SRGAP2B: variants seen among roughly 807,000 people sequenced by gnomAD.
SRGAP2B encodes SLIT-ROBO Rho GTPase activating protein 2B.
In SRGAP2B, 9 loss-of-function variants were observed where a neutral mutation model predicts 22.2. The ratio of observed to expected loss-of-function variants is 0.41; its 90% CI spans 0.24 to 0.71. SRGAP2B has a LOEUF of 0.71. Among genes scored for constraint, SRGAP2B ranks in the 30% least tolerant of loss-of-function variants. SRGAP2B has a pLI of 0.35. For synonymous variants in SRGAP2B, 36 were observed against 87.4 expected (o/e 0.41, Z 3.28); for missense variants, 114 against 235.8 (o/e 0.48, Z 3.38).
At chr1:144,974,087 C>G (rs1216651513) in intron 3 of SRGAP2B, among the ~76,000 whole-genome samples, 6 of 150,860 alleles carry the variant, frequency 4.0e-5, no homozygotes, top group Non-Finnish European at 7.4e-5. Flanking sequence ...GAAAAACAAC[C>G]AACAGCCATA....
intron 3 of SRGAP2B, among the ~76,000 whole-genome samples, chr1:144,994,602 G>C (rs1217052604): frequency 1.3e-5 from 2 of 148,368 alleles, no homozygotes; most frequent in Admixed American, 6.7e-5. Context: ...GAGAGAGAGA[G>C]AGAGAGAGAC....
At chr1:144,984,526 T>G (rs1258278949) in intron 3 of SRGAP2B, among the ~76,000 whole-genome samples, 2 of 150,530 alleles carry the variant, frequency 1.3e-5, no homozygotes, top group African/African-American at 5.0e-5. Flanking sequence ...CTGTAGATTC[T>G]TCCTGCACCA....
At chr1:144,944,199 A>T (rs1437725053) in intron 4 of SRGAP2B, among the ~76,000 whole-genome samples, 1 of 150,554 alleles carries the variant, frequency 6.6e-6, no homozygotes, top group African/African-American at 2.5e-5. Flanking sequence ...ATTATCTATG[A>T]TGTCCAATAT....
At chr1:144,911,642 G>A (rs1344937119) in intron 5 of SRGAP2B, among the ~76,000 whole-genome samples, 9 of 145,230 alleles carry the variant, frequency 6.2e-5, no homozygotes, top group South Asian at 2.1e-4. Context: ...TTTTGAGACC[G>A]AGTCTTGCTC....
chr1:145,081,266 T>C (rs1302541142), intron 2 of SRGAP2B, among the ~76,000 whole-genome samples: 6 of 149,062 alleles, frequency 4.0e-5, no homozygotes, highest in Admixed American at 2.0e-4. Context: ...CATGAGTTCA[T>C]ATATGTAAAG....
chr1:145,083,054 G>A (rs1653066128), intron 2 of SRGAP2B, among the ~76,000 whole-genome samples: 1 of 139,608 alleles, frequency 7.2e-6, no homozygotes, highest in Non-Finnish European at 1.5e-5. Flanking sequence ...TATGATGAGT[G>A]CAATAATACA....
intron 2 of SRGAP2B, among the ~76,000 whole-genome samples, chr1:145,011,568 G>A (rs1281661413): frequency 6.7e-6 from 1 of 149,988 alleles, no homozygotes; most frequent in African/African-American, 2.5e-5. Context: ...CCCTACCCCA[G>A]TAACGGTACC....
At chr1:144,966,242 A>G in intron 3 of SRGAP2B, among the ~76,000 whole-genome samples, 1 of 149,816 alleles carries the variant, frequency 6.7e-6, no homozygotes, top group East Asian at 1.9e-4. Context: ...AGCCAGAGAG[A>G]AAGGTCGGGT....
chr1:144,966,303 C>A (rs1256130023), intron 3 of SRGAP2B, among the ~76,000 whole-genome samples: 1 of 149,914 alleles, frequency 6.7e-6, no homozygotes, highest in Non-Finnish European at 1.5e-5. Context: ...TCGGCAGAAA[C>A]CCTACAAGCC....
chr1:145,030,703 T>TAAA (rs1178647433), intron 2 of SRGAP2B, among the ~76,000 whole-genome samples: 39 of 18,254 alleles, frequency 2.1e-3, no homozygotes, highest in Admixed American at 3.0e-3. Flanking sequence ...AAGTATAATT[T>TAAA]AAAAAAAAAA....
intron 2 of SRGAP2B, among the ~76,000 whole-genome samples, chr1:145,009,415 C>T (rs1227419708): frequency 1.4e-5 from 2 of 147,810 alleles, no homozygotes; most frequent in East Asian, 2.0e-4. Context: ...GGTGAAACCC[C>T]GTCTCTACTA....
At chr1:144,902,709 C>T (rs1258458524) in intron 7 of SRGAP2B, among the ~76,000 whole-genome samples, 1 of 145,044 alleles carries the variant, frequency 6.9e-6, no homozygotes, top group Admixed American at 7.0e-5. Context: ...TTGCAGTGAG[C>T]CGAGATCGCA....
At chr1:144,965,425 G>A (rs1386888746) in intron 3 of SRGAP2B, among the ~76,000 whole-genome samples, 2 of 142,452 alleles carry the variant, frequency 1.4e-5, no homozygotes, top group Non-Finnish European at 1.5e-5. Context: ...CTGCAGCTGA[G>A]GGTCCTGTCT....
chr1:144,955,225 T>C (rs1553610041), intron 4 of SRGAP2B, among the ~76,000 whole-genome samples: 1 of 149,688 alleles, frequency 6.7e-6, no homozygotes, highest in African/African-American at 2.5e-5. Context: ...AGTGGGCCAA[T>C]AAGATATTCT....
rs1313025777 is a variant in SRGAP2B at position 144,954,701 on chromosome 1, G to C, written c.423+738C>G. Among the ~76,000 whole-genome samples the C allele has an allele frequency of 3.3e-5, 5 of 150,776 alleles. 1 individual carries two copies. The highest frequency in any genetic ancestry group is 1.2e-4 in the African/African-American group (5 of 40,312). On this transcript the variant is annotated intron_variant, in intron 4 of 9. Coordinates refer to ENST00000612199, the Ensembl canonical transcript of SRGAP2B. ...GGATTTTCAAGAGGCTGGTTCCATC[G>C]TTGACAGGTAAGGTGAATTGGGTCC... is the stretch of plus-strand genomic sequence containing the variant.
At chr1:145,041,083 A>G (rs1188463594) in intron 2 of SRGAP2B, among the ~76,000 whole-genome samples, 13 of 113,182 alleles carry the variant, frequency 1.1e-4, no homozygotes, top group African/African-American at 4.9e-4. Context: ...TAGTATATAT[A>G]TATATATATA....
chr1:144,991,122 TGG>T (rs1355252010), intron 3 of SRGAP2B, among the ~76,000 whole-genome samples: 1 of 151,156 alleles, frequency 6.6e-6, no homozygotes, highest in African/African-American at 2.5e-5. Context: ...CTGAGTCTGG[TGG>T]GGACGTGGAA....
At chr1:144,945,520 GT>G (rs1201854557) in intron 4 of SRGAP2B, among the ~76,000 whole-genome samples, 2 of 151,842 alleles carry the variant, frequency 1.3e-5, no homozygotes, top group African/African-American at 2.4e-5. Context: ...GAGCACAGAA[GT>G]TTGAGTCTAC....
chr1:144,888,863 C>T (rs1480858367), exon 10 of SRGAP2B: 6 of 126,914 alleles, frequency 4.7e-5, no homozygotes, highest in Admixed American at 2.3e-4. Flanking sequence ...GTCTCAAACT[C>T]CCGACCTCAG....
Sources: gnomAD v4.1 joint callset for allele counts (sites outside exome capture counted in the v4.1 genomes callset) on GRCh38, gnomAD v4.1.1 for gene constraint, MANE v1.5 for transcripts, NCBI Gene and HGNC (gene_info 2026-07-23, HGNC 2026-07-21) for gene names.